Variants in RAP1GAP2 observed in about 807,000 individuals in gnomAD.
RAP1GAP2 encodes the protein rap1 GTPase-activating protein 2.
In RAP1GAP2, 27 loss-of-function variants were observed where a neutral mutation model predicts 95.0. The observed-to-expected ratio is 0.28, with a 90% CI of 0.21 to 0.39. The LOEUF (loss-of-function observed/expected upper bound fraction) is 0.39, where lower values mean the gene tolerates loss of function less well. Among genes scored for constraint, RAP1GAP2 ranks in the 10% least tolerant of loss-of-function variants. The probability of loss-of-function intolerance (pLI) is 1.00; values close to 1 mark genes in which losing one functional copy is unlikely to be tolerated. For synonymous variants in RAP1GAP2, 373 were observed against 380.9 expected, an observed-to-expected ratio of 0.98 and a Z score of 0.24; for missense variants, 771 against 970.0, an observed-to-expected ratio of 0.79 and a Z score of 2.72.
In RAP1GAP2 at chr17:3,005,953, A is replaced by G. The variant is rs1296344094; in HGVS notation, c.1273-2A>G. ...ACCTGAGGTCCGTCTTGTCTCTTCCAGGGCCCGGAATTCAGGGAGTTTCTG... is the reference window on the plus strand; with the variant it reads ...ACCTGAGGTCCGTCTTGTCTCTTCCGGGGCCCGGAATTCAGGGAGTTTCTG... On this transcript the variant is annotated splice_acceptor_variant, in intron 15 of 24. Transcript: ENST00000254695. LOFTEE classifies it high-confidence loss of function. The surrounding 1 kb of genome is among the most constrained non-coding windows in gnomAD (Gnocchi z 5.2). The G allele has an allele frequency of 6.2e-7, 1 of 1,612,960 alleles. No homozygotes were observed. The highest frequency in any genetic ancestry group is 1.7e-5 in the Admixed American group (1 of 59,984).
intron 3 of RAP1GAP2, among the ~76,000 whole-genome samples, chr17:2,934,774 C>T (rs1232755297): frequency 6.6e-6 from 1 of 152,192 alleles, no homozygotes; most frequent in African/African-American, 2.4e-5. Context: ...TAATGTGTAC[C>T]TTCCAGTGGA....
chr17:2,793,216 T>C (rs1189625314), upstream of RAP1GAP2, among the ~76,000 whole-genome samples: 1 of 151,584 alleles, frequency 6.6e-6, no homozygotes, highest in African/African-American at 2.4e-5. Context: ...TGCAGTGGCG[T>C]GATCTTGGCT....
chr17:2,912,853 G>A (rs1297984126), intron 3 of RAP1GAP2, among the ~76,000 whole-genome samples: 1 of 152,140 alleles, frequency 6.6e-6, no homozygotes, highest in Non-Finnish European at 1.5e-5. Flanking sequence ...GGCTACTGAG[G>A]GTGAGGATGC....
chr17:2,874,642 G>A (rs754311381), intron 2 of RAP1GAP2, among the ~76,000 whole-genome samples: 43 of 152,164 alleles, frequency 2.8e-4, no homozygotes, highest in Non-Finnish European at 4.0e-4. Context: ...CTCAGCCTGG[G>A]GCTGGATTCT....
chr17:2,822,881 C>T (rs913655388), intron 2 of RAP1GAP2, among the ~76,000 whole-genome samples: 2 of 151,970 alleles, frequency 1.3e-5, no homozygotes, highest in African/African-American at 2.4e-5. Context: ...GCACTTTGAG[C>T]GGCTGAGGCA....
chr17:2,829,037 C>T (rs562574121), intron 2 of RAP1GAP2, among the ~76,000 whole-genome samples: 15 of 124,718 alleles, frequency 1.2e-4, no homozygotes, highest in African/African-American at 4.4e-4. Flanking sequence ...GGCTGGAGTG[C>T]AGTGGCACGA....
chr17:3,025,861 A>G (rs2047093166), intron 19 of RAP1GAP2, 147 bp from the exon 20 acceptor site: 1 of 636,702 alleles, frequency 1.6e-6, no homozygotes, highest in African/African-American at 1.8e-5. Flanking sequence ...CTCAGGTGGG[A>G]AAGGACATCC....
At chr17:2,767,359 TAAAA>T (rs397857982) in intron 1 of RAP1GAP2, among the ~76,000 whole-genome samples, 4 of 53,726 alleles carry the variant, frequency 7.4e-5, no homozygotes, top group African/African-American at 1.4e-4. Flanking sequence ...GAGACTCTGT[TAAAA>T]AAAAAAAAAA....
At chr17:3,023,202 A>G (rs888029630) in intron 19 of RAP1GAP2, among the ~76,000 whole-genome samples, 2 of 152,182 alleles carry the variant, frequency 1.3e-5, no homozygotes, top group African/African-American at 4.8e-5. Flanking sequence ...ATCTGTGTTT[A>G]TCAGGAGTAC....
chr17:2,836,670 C>T (rs1355472042), intron 2 of RAP1GAP2, among the ~76,000 whole-genome samples: 5 of 151,974 alleles, frequency 3.3e-5, no homozygotes, highest in Non-Finnish European at 2.9e-5. Context: ...AAACAAAAAA[C>T]TGGCTTCAGG....
chr17:2,860,352 C>T (rs952558234), intron 2 of RAP1GAP2, among the ~76,000 whole-genome samples: 16 of 152,118 alleles, frequency 1.1e-4, no homozygotes, highest in Admixed American at 2.6e-4. Flanking sequence ...CAGCTTCCCA[C>T]TATTCACTTC....
rs1332419799 is a variant in RAP1GAP2 at position 3,027,717 on chromosome 17, C to T, written c.2107+647C>T. Among the ~76,000 whole-genome samples the T allele has an allele frequency of 7.4e-6, 1 of 134,266 alleles. No homozygotes were observed. Among genetic ancestry groups the T allele is most frequent in the Non-Finnish European group, 1.6e-5 (1 of 63,774 alleles). 88.1% of individuals were successfully genotyped at this position (134,266 alleles called of 152,430 possible). ...AGCACCATCTGGAGTTGAGAAAGTCCATTTTGGCTGCTGCAGCTGCTGAGT... is the reference window on the plus strand; with the variant it reads ...AGCACCATCTGGAGTTGAGAAAGTCTATTTTGGCTGCTGCAGCTGCTGAGT... On this transcript the variant is annotated intron_variant, in intron 22 of 24. Coordinates refer to ENST00000254695, the MANE Select transcript of RAP1GAP2 (RefSeq NM_015085.5). The surrounding 1 kb of genome is among the most constrained non-coding windows in gnomAD (Gnocchi z 5.2).
Position 2,855,624 on chromosome 17 carries a change from A to T in RAP1GAP2, c.81-49660A>T, listed in dbSNP as rs1299839374. On this transcript the variant is annotated intron_variant, in intron 2 of 24. Coordinates refer to ENST00000254695, the MANE Select transcript of RAP1GAP2 (RefSeq NM_015085.5). This position sits in a 1 kb window ranked among gnomAD's most constrained non-coding sequence, Gnocchi z 4.3. ...ATCTATTTTATTTATTTATTTATTT[A>T]TTTTTGAGGAGGAGTCTCACTCTGT... Among the ~76,000 whole-genome samples, 2 of 152,050 alleles carry T rather than the reference A, an allele frequency of 1.3e-5. No homozygotes were observed. The highest frequency in any genetic ancestry group is 1.5e-5 in the Non-Finnish European group (1 of 67,992).
At chr17:3,007,912 G>C in intron 16 of RAP1GAP2, 99 bp from the exon 17 acceptor site, 1 of 1,423,778 alleles carries the variant, frequency 7.0e-7, no homozygotes, top group South Asian at 1.3e-5. Context: ...GGGCTGGGCA[G>C]AATGTCAGCC....
chr17:2,835,859 A>G (rs1390322886), intron 2 of RAP1GAP2, among the ~76,000 whole-genome samples: 1 of 152,230 alleles, frequency 6.6e-6, no homozygotes, highest in African/African-American at 2.4e-5. Context: ...TACGGAAGAA[A>G]GATGAAATGA....
At chr17:2,978,425 G>A (rs112746074) in intron 8 of RAP1GAP2, among the ~76,000 whole-genome samples, 22 of 152,256 alleles carry the variant, frequency 1.4e-4, no homozygotes, top group African/African-American at 5.3e-4. Flanking sequence ...GGAGCGTGTA[G>A]GGCGTGGGTA....
At chr17:2,771,610 C>T (rs1352417090) in intron 2 of RAP1GAP2, among the ~76,000 whole-genome samples, 1 of 151,590 alleles carries the variant, frequency 6.6e-6, no homozygotes, top group Non-Finnish European at 1.5e-5. Context: ...CTGCCTCAGC[C>T]TCCCGCGTAG....
chr17:2,905,724 C>A (rs2042176038), intron 3 of RAP1GAP2, among the ~76,000 whole-genome samples: 1 of 152,140 alleles, frequency 6.6e-6, no homozygotes, highest in South Asian at 2.1e-4. Flanking sequence ...CCTCCTGGGA[C>A]TTGAAGGGCA....
rs554008443 is a variant in RAP1GAP2 at position 3,008,153 on chromosome 17, C to T, written c.1494+8C>T. ...TTCCTGGAGTCTTTTAAGGTATGAGCGTCAGAGTGACTGATGGTTGCTGTG... is the reference window on the plus strand; with the variant it reads ...TTCCTGGAGTCTTTTAAGGTATGAGTGTCAGAGTGACTGATGGTTGCTGTG... On this transcript the variant is annotated splice_region_variant and intron_variant, in intron 17 of 24. Transcript: ENST00000254695. The surrounding 1 kb of genome is among the most constrained non-coding windows in gnomAD (Gnocchi z 4.2). 11 of 1,613,734 alleles carry T rather than the reference C, an allele frequency of 6.8e-6. No homozygotes were observed. Among genetic ancestry groups the T allele is most frequent in the East Asian group, 4.5e-5 (2 of 44,872 alleles).
Sources: gnomAD v4.1 joint callset for allele counts (sites outside exome capture counted in the v4.1 genomes callset) on GRCh38, gnomAD v4.1.1 for gene constraint, Gnocchi (gnomAD v3.1) non-coding constraint, MANE v1.5 for transcripts, NCBI Gene and HGNC (gene_info 2026-07-23, HGNC 2026-07-21) for gene names.